Variants in NEDD8 observed in about 807,000 individuals in gnomAD.
The protein encoded by NEDD8 is NEDD8 ubiquitin like modifier.
In NEDD8, 1 loss-of-function variant was observed where a neutral mutation model predicts 13.8. The ratio of observed to expected loss-of-function variants is 0.07; its 90% confidence interval spans 0.03 to 0.34. The LOEUF (loss-of-function observed/expected upper bound fraction) is 0.34. Among genes scored for constraint, NEDD8 ranks in the 10% least tolerant of loss-of-function variants. The pLI is 0.99. For synonymous variants in NEDD8, 31 were observed against 33.2 expected, an observed-to-expected ratio of 0.93 and a Z score of 0.23; for missense variants, 10 against 95.2, an observed-to-expected ratio of 0.10 and a Z score of 3.73.
chr14:24,220,036 G>A (rs1330292180), intron 1 of NEDD8, among the ~76,000 whole-genome samples: 1 of 152,248 alleles, frequency 6.6e-6, no homozygotes, highest in Non-Finnish European at 1.5e-5. Context: ...CTACTCAGGA[G>A]GCTGAGGCAG....
intron 1 of NEDD8, chr14:24,228,444 G>A (rs2039931895): frequency 6.6e-6 from 1 of 151,810 alleles, no homozygotes. Flanking sequence ...GTCAGATATG[G>A]TAGCTCACGG....
chr14:24,228,489 A>G (rs1377892869), intron 1 of NEDD8: 2 of 152,128 alleles, frequency 1.3e-5, no homozygotes, highest in African/African-American at 4.8e-5. Context: ...ATGAGGTGGG[A>G]AGATCACTTG....
chr14:24,223,793 T>TG (rs1479391265), intron 1 of NEDD8, among the ~76,000 whole-genome samples: 3 of 151,842 alleles, frequency 2.0e-5, no homozygotes, highest in African/African-American at 7.3e-5. Flanking sequence ...TGGAGTGCTG[T>TG]GGCATCATCT....
intron 1 of NEDD8, among the ~76,000 whole-genome samples, chr14:24,230,722 G>C (rs910754574): frequency 4.0e-5 from 6 of 150,708 alleles, no homozygotes; most frequent in African/African-American, 9.7e-5. Context: ...AGGTTCAAGG[G>C]ATTCTCCTGC....
At chr14:24,217,925 A>G in intron 3 of NEDD8, 2 of 493,034 alleles carry the variant, frequency 4.1e-6, no homozygotes, top group South Asian at 4.0e-5. Flanking sequence ...CTATTTCAAT[A>G]TAATTAGTTT....
intron 1 of NEDD8, among the ~76,000 whole-genome samples, chr14:24,231,328 A>G (rs772685884): frequency 3.9e-5 from 6 of 152,202 alleles, no homozygotes; most frequent in Admixed American, 2.6e-4. Flanking sequence ...AATCTTAGCT[A>G]AGAAGTAGTT....
rs1410076030 is a variant in NEDD8, at chr14:24,217,276, TG to T, written c.150-54del. On this transcript the variant is annotated intron_variant, in intron 3 of 3. Transcript: ENST00000250495. ...AGAAAAAGAAGACTTAGGAGTTTTT[TG>T]TTGTTGTTGTTGTTGTTGTTGTTGT... 3.7e-4 allele frequency: 158 copies of T among 426,510 alleles called. No individual in the cohort carries two copies. In the African/African-American group the frequency reaches 4.2e-3, roughly 11 times the overall value. The allele number at this position is 426,510 out of a possible 1,614,324, so 26.4% of individuals were successfully genotyped here.
intron 3 of NEDD8, 104 bp downstream of exon 3, chr14:24,218,029 C>T: frequency 6.8e-7 from 1 of 1,463,234 alleles, no homozygotes; most frequent in South Asian, 1.2e-5. Context: ...GAGTCTTAGG[C>T]ACCAAAAACA....
intron 1 of NEDD8, among the ~76,000 whole-genome samples, chr14:24,220,171 TC>T (rs1438232091): frequency 6.6e-6 from 1 of 152,194 alleles, no homozygotes; most frequent in Admixed American, 6.5e-5. Context: ...TATTAATACT[TC>T]CAATATTAAT....
chr14:24,223,322 G>C (rs1477914714), intron 1 of NEDD8, among the ~76,000 whole-genome samples: 1 of 151,508 alleles, frequency 6.6e-6, no homozygotes, highest in African/African-American at 2.4e-5. Context: ...GACTGCCCAA[G>C]CCCAGGAGTT....
At chr14:24,230,662 A>G (rs146742691) in intron 1 of NEDD8, among the ~76,000 whole-genome samples, 5,205 of 140,972 alleles carry the variant, frequency 0.037, 320 homozygotes, top group African/African-American at 0.13. Context: ...CTTGTCGCCC[A>G]GGCTGGAGTG....
intron 1 of NEDD8, among the ~76,000 whole-genome samples, chr14:24,225,898 G>A (rs907195374): frequency 6.6e-6 from 1 of 151,954 alleles, no homozygotes; most frequent in African/African-American, 2.4e-5. Flanking sequence ...AAAATTAGCT[G>A]GGTGTGGTGG....
chr14:24,226,988 T>C (rs752201630), intron 1 of NEDD8: 2 of 152,168 alleles, frequency 1.3e-5, no homozygotes, highest in South Asian at 2.1e-4. Flanking sequence ...ATTCATCCAA[T>C]GGAATACTAT....
At chr14:24,229,072 T>C (rs1464186471) in intron 1 of NEDD8, among the ~76,000 whole-genome samples, 1 of 151,994 alleles carries the variant, frequency 6.6e-6, no homozygotes, top group Non-Finnish European at 1.5e-5. Context: ...ACATTCAATA[T>C]CACCTGGGAG....
chr14:24,231,655 C>A (rs1416637406), intron 1 of NEDD8: 1 of 152,402 alleles, frequency 6.6e-6, no homozygotes, highest in African/African-American at 2.4e-5. Context: ...AACTAACCTG[C>A]CTCAGCCAAG....
chr14:24,217,305 T>A, intron 3 of NEDD8, 82 bp from the exon 4 acceptor site: 3 of 1,203,228 alleles, frequency 2.5e-6, no homozygotes, highest in Admixed American at 2.1e-5. Flanking sequence ...GTTGTTGTTG[T>A]TTTTGACAGA....
intron 3 of NEDD8, among the ~76,000 whole-genome samples, chr14:24,217,426 A>G (rs1244562970): frequency 6.6e-6 from 1 of 152,018 alleles, no homozygotes; most frequent in African/African-American, 2.4e-5. Context: ...AGTAGCTGGG[A>G]TTACAAGCGC....
At chr14:24,220,208 G>A (rs771686239) in intron 1 of NEDD8, among the ~76,000 whole-genome samples, 18 of 152,202 alleles carry the variant, frequency 1.2e-4, no homozygotes, top group Non-Finnish European at 2.2e-4. Context: ...AGTTGTTTAA[G>A]TGTTAAACTT....
intron 1 of NEDD8, among the ~76,000 whole-genome samples, chr14:24,222,304 A>G (rs1235185688): frequency 6.6e-6 from 1 of 152,220 alleles, no homozygotes; most frequent in African/African-American, 2.4e-5. Flanking sequence ...ATATATTAAC[A>G]ATATGCTGAT....
Sources: gnomAD v4.1 joint callset for allele counts (sites outside exome capture counted in the v4.1 genomes callset) on GRCh38, gnomAD v4.1.1 for gene constraint, MANE v1.5 for transcripts, NCBI Gene and HGNC (gene_info 2026-07-23, HGNC 2026-07-21) for gene names.